PCM1: variants seen among roughly 807,000 people sequenced by gnomAD.
The protein encoded by PCM1 is pericentriolar material 1, also known as pericentriolar material 1 protein.
A neutral mutation model predicts 241.9 loss-of-function variants in PCM1; 157 were observed. The ratio of observed to expected loss-of-function variants is 0.65; its 90% CI spans 0.57 to 0.74. PCM1 has a LOEUF of 0.74. PCM1 is among the 30% of genes least tolerant of loss of function. The pLI, the probability that PCM1 is intolerant of heterozygous loss-of-function variation, is 0.00. For synonymous variants in PCM1, 1,085 were observed against 784.9 expected, an observed-to-expected ratio of 1.38 and a Z score of -6.39; for missense variants, 3,478 against 2,360.1, an observed-to-expected ratio of 1.47 and a Z score of -9.81.
chr8:17,930,344 C>A (rs989309139), intron 2 of PCM1, among the ~76,000 whole-genome samples: 3 of 151,778 alleles, frequency 2.0e-5, no homozygotes, highest in Middle Eastern at 6.8e-3. Flanking sequence ...ACCTCGTGAT[C>A]CGCCTGCCTT....
intron 2 of PCM1, among the ~76,000 whole-genome samples, chr8:17,929,316 C>T (rs1364971593): frequency 2.0e-5 from 3 of 152,118 alleles, no homozygotes; most frequent in Admixed American, 6.5e-5. Flanking sequence ...AGTGTATTAG[C>T]GTGTCCTTTT....
Position 18,016,742 on chromosome 8 carries a change from TA to T in PCM1, c.5841+1904del, listed in dbSNP as rs1339806312. Among the ~76,000 whole-genome samples the T allele has an allele frequency of 9.2e-5, 14 of 152,350 alleles. No individual in the cohort carries two copies. In the South Asian group the frequency reaches 1.4e-3, roughly 16 times the overall value. On this transcript the variant is annotated intron_variant, in intron 36 of 38. Transcript: ENST00000325083. ...CCTCCTCTAATTATTCTGAGTCCAC[TA>T]ACCCATTTGTTCAGTCATCTTAATC... is the stretch of plus-strand genomic sequence containing the variant.
intron 23 of PCM1, among the ~76,000 whole-genome samples, chr8:17,979,894 T>A (rs1340072804): frequency 6.6e-6 from 1 of 152,174 alleles, no homozygotes; most frequent in Non-Finnish European, 1.5e-5. Flanking sequence ...GATCATCCTG[T>A]ATAACTTGTG....
Position 18,027,659 on chromosome 8 carries a change from A to T in PCM1, c.6072A>T (p.Ile2024=). The part of the protein sequence containing the change: ...KEPETVGAQS[I] ...CAGAAACGGTGGGAGCCCAGAGTAT[A>T]TGAGATGTCTTCAGAGGCTCATCTA... Residue 2024 remains isoleucine (I), a synonymous_variant, in exon 39 of 39, where the codon ATA becomes ATT. Coordinates refer to ENST00000325083, the MANE Select transcript of PCM1 (RefSeq NM_006197.4). 1 of 1,589,884 alleles carries T rather than the reference A, an allele frequency of 6.3e-7. No homozygotes were observed. The highest frequency in any genetic ancestry group is 8.6e-7 in the Non-Finnish European group (1 of 1,162,900).
intron 6 of PCM1, 48 bp from the exon 7 acceptor site, chr8:17,947,138 C>T: frequency 8.1e-7 from 1 of 1,234,316 alleles, no homozygotes; most frequent in Non-Finnish European, 1.1e-6. Context: ...GAAACCGCAA[C>T]ATGGATTTTA....
At chr8:17,950,195 G>A (rs1171740234) in intron 7 of PCM1, among the ~76,000 whole-genome samples, 1 of 152,172 alleles carries the variant, frequency 6.6e-6, no homozygotes, top group Non-Finnish European at 1.5e-5. Context: ...CAACCTTTAA[G>A]CAAAGTTTGC....
At chr8:17,993,943 A>G (rs954050819) in intron 29 of PCM1, among the ~76,000 whole-genome samples, 2 of 152,156 alleles carry the variant, frequency 1.3e-5, no homozygotes, top group Non-Finnish European at 2.9e-5. Flanking sequence ...TTTATGGGGT[A>G]CATGAAATAG....
intron 24 of PCM1, chr8:17,983,409 G>T: frequency 2.9e-6 from 1 of 342,984 alleles, no homozygotes; most frequent in Non-Finnish European, 5.4e-6. Context: ...TATGTTATGT[G>T]ACTATTGTAA....
intron 36 of PCM1, among the ~76,000 whole-genome samples, chr8:18,016,380 G>T (rs983043929): frequency 7.2e-5 from 11 of 152,174 alleles, no homozygotes; most frequent in African/African-American, 2.7e-4. Context: ...TTAGGAACAT[G>T]AAACTATGCC....
At chr8:17,950,138 C>T (rs776063224) in intron 7 of PCM1, among the ~76,000 whole-genome samples, 5 of 152,040 alleles carry the variant, frequency 3.3e-5, no homozygotes, top group Non-Finnish European at 7.4e-5. Flanking sequence ...GTTGGGTGGT[C>T]GAGACAAAAA....
rs1405836733 is a variant in PCM1, at chr8:17,966,368, A to G, written c.3116A>G (p.Tyr1039Cys). Residue 1039 changes from tyrosine to cysteine, a missense_variant, in exon 20 of 39, where the codon TAC (tyrosine) becomes TGC (cysteine). Transcript: ENST00000325083. ...CLLQTLLTGP[Y>C]SVMPSNVASP... is the part of the protein sequence containing the mutation. ...CTACAAACTCTTCTCACGGGTCCTT[A>G]CAGTGTTATGCCCAGCAATGTTGCA... 1.2e-6 allele frequency: 2 copies of G among 1,613,650 alleles called. No homozygotes were observed. The highest frequency in any genetic ancestry group is 8.5e-7 in the Non-Finnish European group (1 of 1,179,724).
intron 15 of PCM1, 147 bp downstream of exon 15, chr8:17,960,591 C>A: frequency 1.8e-6 from 1 of 546,178 alleles, no homozygotes; most frequent in Non-Finnish European, 3.0e-6. Flanking sequence ...GTGGCGTGAT[C>A]TTGGCTCACT....
At chr8:17,979,290 G>A (rs1191008319) in intron 23 of PCM1, among the ~76,000 whole-genome samples, 1 of 152,146 alleles carries the variant, frequency 6.6e-6, no homozygotes, top group Non-Finnish European at 1.5e-5. Context: ...TATTTGGGAA[G>A]CATTAGGTCA....
intron 36 of PCM1, among the ~76,000 whole-genome samples, chr8:18,017,928 G>A (rs145985103): frequency 6.6e-6 from 1 of 152,174 alleles, no homozygotes; most frequent in South Asian, 2.1e-4. Context: ...GGATTCTCTG[G>A]TATGTTACTC....
At chr8:17,947,651 G>A (rs1038459100) in intron 7 of PCM1, among the ~76,000 whole-genome samples, 16 of 152,172 alleles carry the variant, frequency 1.1e-4, no homozygotes, top group African/African-American at 2.7e-4. Flanking sequence ...TTGTACCTCA[G>A]ACTGATAAGG....
At chr8:17,944,053 G>A (rs753976810) in intron 6 of PCM1, among the ~76,000 whole-genome samples, 5 of 152,118 alleles carry the variant, frequency 3.3e-5, no homozygotes, top group Admixed American at 6.5e-5. Flanking sequence ...GTAGCCATGC[G>A]TTCATTGTTT....
At chr8:17,929,473 A>C (rs2058269017) in intron 2 of PCM1, among the ~76,000 whole-genome samples, 1 of 152,144 alleles carries the variant, frequency 6.6e-6, no homozygotes, top group Non-Finnish European at 1.5e-5. Context: ...CTATTTGTCA[A>C]CCGGACAATT....
In PCM1 at chr8:18,014,587, A is replaced by T; in HGVS notation, c.5588A>T (p.Asp1863Val). The change falls in exon 36 of 39, where the codon GAC (aspartate) becomes GTC (valine). Residue 1863 changes from aspartate (D) to valine (V), a missense_variant. Coordinates refer to ENST00000325083, the MANE Select transcript of PCM1 (RefSeq NM_006197.4). ...PLEREATSKN[D>V]QNNCPVKPCY... ...TAAGACTTTCTTTTGATGACAGATG[A>T]CCAAAATAACTGTCCTGTGAAACCC... The T allele has an allele frequency of 6.3e-7, 1 of 1,596,526 alleles. No individual in the cohort carries two copies. Among genetic ancestry groups the T allele is most frequent in the Non-Finnish European group, 8.5e-7 (1 of 1,169,684 alleles).
Position 17,955,493 on chromosome 8 carries a change from C to A in PCM1, c.1312C>A (p.Gln438Lys). 6.2e-7 allele frequency: 1 copy of A among 1,610,464 alleles called. No individual in the cohort carries two copies. The highest frequency in any genetic ancestry group is 8.5e-7 in the Non-Finnish European group (1 of 1,178,518). The change falls in exon 10 of 39, where the codon CAG becomes AAG. Residue 438 changes from glutamine to lysine, a missense_variant. By Grantham distance (53) the Gln-to-Lys change is moderately conservative. Coordinates refer to ENST00000325083, the MANE Select transcript of PCM1 (RefSeq NM_006197.4). ...AGCCTCTCCACAAAGGAGTGTCGATCAGAGAAGTACTTCAGCTCCCTCTGC... is the reference window on the plus strand; with the variant it reads ...AGCCTCTCCACAAAGGAGTGTCGATAAGAGAAGTACTTCAGCTCCCTCTGC... Reference protein sequence around the residue: ...SSSSPQRSVDQRSTSAPSASV... With the variant: ...SSSSPQRSVDKRSTSAPSASV...
Sources: gnomAD v4.1 joint callset for allele counts (sites outside exome capture counted in the v4.1 genomes callset) on GRCh38, gnomAD v4.1.1 for gene constraint, MANE v1.5 for transcripts, NCBI Gene and HGNC (gene_info 2026-07-23, HGNC 2026-07-21) for gene names.